ABCA13: variants seen among roughly 807,000 people sequenced by gnomAD.
ABCA13 encodes ATP-binding cassette sub-family A member 13.
Under a neutral mutation model 478.7 loss-of-function variants are expected in ABCA13, and 476 were observed. The ratio of observed to expected loss-of-function variants is 0.99; its 90% CI spans 0.92 to 1.07. The LOEUF is 1.07. ABCA13 is among the 50% of genes least tolerant of loss of function. The pLI is 0.00. For missense variants in ABCA13, 6,060 were observed against 5,910.6 expected (o/e 1.03, Z -0.83); for synonymous variants, 2,252 against 2,158.9 (o/e 1.04, Z -1.20).
Position 48,248,375 on chromosome 7 carries a change from T to C in ABCA13, c.1796T>C (p.Leu599Pro). 1 of 1,613,826 alleles carries C rather than the reference T, an allele frequency of 6.2e-7. No homozygotes were observed. Among genetic ancestry groups the C allele is most frequent in the Middle Eastern group, 1.6e-4 (1 of 6,062 alleles). ...TCCTGTACTCGGCTCTTCCTGCTGC[T>C]GGGAGCTGATCCCTCTCCTGAGAAT... ...SLSCTRLFLL[L>P]GADPSPENDV... Residue 599 changes from leucine to proline, a missense_variant, in exon 14 of 62, where the codon CTG (leucine) becomes CCG (proline). Leu to Pro is a moderately conservative substitution (Grantham distance 98, BLOSUM62 -3). Around this residue, in one of 3 missense-constraint regions of ABCA13, gnomAD observed 4,423 missense variants for 4,309.1 expected, o/e 1.03. Transcript: ENST00000435803.
chr7:48,268,900 T>A, intron 15 of ABCA13, 80 bp from the exon 16 acceptor site: 2 of 469,342 alleles, frequency 4.3e-6, no homozygotes, highest in Non-Finnish European at 3.9e-6. Flanking sequence ...TTAGGTGAAC[T>A]ACTCTAGCAT....
intron 55 of ABCA13, among the ~76,000 whole-genome samples, chr7:48,550,907 A>AT (rs1278068633): frequency 4.0e-5 from 6 of 151,192 alleles, no homozygotes; most frequent in Admixed American, 1.3e-4. Context: ...CCAACTGAAA[A>AT]TTTTTTTTAC....
At chr7:48,602,236 C>G (rs939966774) in intron 58 of ABCA13, among the ~76,000 whole-genome samples, 1 of 152,132 alleles carries the variant, frequency 6.6e-6, no homozygotes, top group East Asian at 1.9e-4. Flanking sequence ...AATTAGATAC[C>G]ATTTGTCAAT....
intron 59 of ABCA13, among the ~76,000 whole-genome samples, chr7:48,618,063 A>G (rs1460874867): frequency 2.0e-5 from 3 of 152,162 alleles, no homozygotes; most frequent in Non-Finnish European, 2.9e-5. Flanking sequence ...CAGCTCTTCC[A>G]TGGGACTTCA....
intron 2 of ABCA13, among the ~76,000 whole-genome samples, chr7:48,197,284 G>T (rs1480847294): frequency 6.6e-6 from 1 of 152,190 alleles, no homozygotes; most frequent in African/African-American, 2.4e-5. Flanking sequence ...GACAAGAAGC[G>T]GTCACAGACC....
intron 41 of ABCA13, among the ~76,000 whole-genome samples, chr7:48,419,431 C>T (rs1000270654): frequency 7.2e-5 from 11 of 152,200 alleles, no homozygotes; most frequent in African/African-American, 2.4e-4. Context: ...AAAATTCCTA[C>T]AGTAAAATTC....
At chr7:48,412,323 G>A (rs780722355) in intron 40 of ABCA13, 30 bp from the exon 41 acceptor site, 1 of 1,548,402 alleles carries the variant, frequency 6.5e-7, no homozygotes, top group African/African-American at 1.4e-5. Flanking sequence ...ATTCCTTACT[G>A]GCTTCTTTTT....
At chr7:48,309,723 C>G (rs1384480215) in intron 23 of ABCA13, among the ~76,000 whole-genome samples, 1 of 152,068 alleles carries the variant, frequency 6.6e-6, no homozygotes, top group Admixed American at 6.5e-5. Flanking sequence ...CAAGCGAGGG[C>G]AAATTTTATA....
chr7:48,641,750 A>G (rs1306027253), intron 59 of ABCA13, among the ~76,000 whole-genome samples: 6 of 152,168 alleles, frequency 3.9e-5, no homozygotes, highest in Non-Finnish European at 7.3e-5. Context: ...GAGCATTTAC[A>G]AAGCTCCAGT....
Position 48,279,123 on chromosome 7 carries a change from A to C in ABCA13, c.7929A>C (p.Thr2643=), listed in dbSNP as rs201410529. The change falls in exon 18 of 62, where the codon ACA becomes ACC. Residue 2643 remains threonine, a synonymous_variant. Coordinates refer to ENST00000435803, the MANE Select transcript of ABCA13 (RefSeq NM_152701.5). ...DILEEIAEFL[T]SVKMNLEDMR... ...TGGAAGAAATTGCTGAATTTTTAACATCTGTGAAAATGAACTTGGAAGATA... is the reference window on the plus strand; with the variant it reads ...TGGAAGAAATTGCTGAATTTTTAACCTCTGTGAAAATGAACTTGGAAGATA... The C allele has an allele frequency of 6.2e-7, 1 of 1,609,758 alleles. No individual in the cohort carries two copies. Among genetic ancestry groups the C allele is most frequent in the African/African-American group, 1.3e-5 (1 of 75,034 alleles).
chr7:48,395,509 A>G (rs1394220134), intron 38 of ABCA13, among the ~76,000 whole-genome samples: 1 of 152,184 alleles, frequency 6.6e-6, no homozygotes, highest in Admixed American at 6.5e-5. Flanking sequence ...TGTTTTCAAT[A>G]CAAGTAACAC....
intron 45 of ABCA13, among the ~76,000 whole-genome samples, chr7:48,478,008 T>A (rs1828326512): frequency 6.6e-6 from 1 of 151,710 alleles, no homozygotes; most frequent in East Asian, 1.9e-4. Flanking sequence ...TTTAGAAGGA[T>A]GTATCTTGAT....
intron 19 of ABCA13, among the ~76,000 whole-genome samples, chr7:48,287,005 C>T (rs959663507): frequency 1.7e-4 from 26 of 152,148 alleles, no homozygotes; most frequent in Non-Finnish European, 2.5e-4. Flanking sequence ...AGAAAATTTG[C>T]CCGTGGCAGG....
At chr7:48,483,755 A>G (rs1463086988) in intron 47 of ABCA13, among the ~76,000 whole-genome samples, 3 of 152,244 alleles carry the variant, frequency 2.0e-5, no homozygotes, top group Non-Finnish European at 2.9e-5. Context: ...GGTGAACCCA[A>G]CAGTGAGTTG....
intron 2 of ABCA13, among the ~76,000 whole-genome samples, chr7:48,193,418 G>A (rs1482755158): frequency 6.6e-6 from 1 of 152,114 alleles, no homozygotes; most frequent in East Asian, 1.9e-4. Flanking sequence ...TGGTGGTGAT[G>A]ATGGTGGTGA....
At chr7:48,463,457 C>T (rs1300340294) in intron 43 of ABCA13, among the ~76,000 whole-genome samples, 5 of 152,056 alleles carry the variant, frequency 3.3e-5, no homozygotes, top group Non-Finnish European at 2.9e-5. Context: ...TGGGGTCCAG[C>T]GAGAGAGGGG....
At chr7:48,602,882 G>C (rs1791058981) in intron 58 of ABCA13, among the ~76,000 whole-genome samples, 1 of 151,864 alleles carries the variant, frequency 6.6e-6, no homozygotes, top group South Asian at 2.1e-4. Flanking sequence ...TTTTTCACTT[G>C]ATTGTGTCCT....
At chr7:48,473,709 A>G (rs916054753) in intron 45 of ABCA13, among the ~76,000 whole-genome samples, 7 of 152,144 alleles carry the variant, frequency 4.6e-5, no homozygotes, top group Admixed American at 1.3e-4. Flanking sequence ...GCTTAGCCCA[A>G]GGGGGATGGG....
At chr7:48,456,839 A>G (rs1347974700) in intron 43 of ABCA13, among the ~76,000 whole-genome samples, 1 of 151,964 alleles carries the variant, frequency 6.6e-6, no homozygotes, top group Non-Finnish European at 1.5e-5. Flanking sequence ...GCAATGCTGT[A>G]TAACAATCTT....
Sources: allele counts gnomAD v4.1 joint callset (sites outside exome capture counted in the v4.1 genomes callset), GRCh38; gene constraint gnomAD v4.1.1; regional missense constraint gnomAD v4.1.1; transcripts MANE v1.5; gene names NCBI Gene and HGNC (gene_info 2026-07-23, HGNC 2026-07-21).